DGKB: variants seen among roughly 807,000 people sequenced by gnomAD.
The protein encoded by DGKB is 90 kDa diacylglycerol kinase.
A neutral mutation model predicts 114.3 loss-of-function variants in DGKB; 67 were observed. The ratio of observed to expected loss-of-function variants is 0.59; its 90% confidence interval spans 0.48 to 0.72. The LOEUF is 0.72. Ranked by LOEUF, DGKB falls within the 30% of genes least tolerant of loss-of-function variation. DGKB has a pLI of 0.00. For synonymous variants in DGKB, 398 were observed against 323.1 expected, an observed-to-expected ratio of 1.23 and a Z score of -2.49; for missense variants, 907 against 975.2, an observed-to-expected ratio of 0.93 and a Z score of 0.93.
chr7:14,390,259 T>C (rs1040111665), intron 21 of DGKB, among the ~76,000 whole-genome samples: 1 of 152,194 alleles, frequency 6.6e-6, no homozygotes, highest in African/African-American at 2.4e-5. Context: ...TATCAGAACT[T>C]TCCTGATGTA....
At chr7:14,671,618 T>A (rs1468359432) in intron 13 of DGKB, among the ~76,000 whole-genome samples, 9 of 151,926 alleles carry the variant, frequency 5.9e-5, no homozygotes, top group Admixed American at 5.9e-4. Context: ...TAACTAGAGG[T>A]TGACATAAGT....
At chr7:14,157,653 A>T (rs900728455) in intron 25 of DGKB, among the ~76,000 whole-genome samples, 1 of 152,218 alleles carries the variant, frequency 6.6e-6, no homozygotes, top group African/African-American at 2.4e-5. Flanking sequence ...CTCTTTTAAC[A>T]TATAAATTGT....
At chr7:14,589,222 AGT>A in intron 17 of DGKB, among the ~76,000 whole-genome samples, 1 of 151,936 alleles carries the variant, frequency 6.6e-6, no homozygotes, top group Non-Finnish European at 1.5e-5. Context: ...AACATATTTG[AGT>A]GTTATACATT....
At chr7:14,564,198 G>A (rs1461329708) in intron 20 of DGKB, among the ~76,000 whole-genome samples, 4 of 152,150 alleles carry the variant, frequency 2.6e-5, no homozygotes, top group African/African-American at 9.7e-5. Context: ...TCTCCCCTAG[G>A]TGGCTGGTTT....
chr7:14,441,102 G>C (rs1343981842), intron 21 of DGKB, among the ~76,000 whole-genome samples: 1 of 151,940 alleles, frequency 6.6e-6, no homozygotes, highest in Non-Finnish European at 1.5e-5. Flanking sequence ...TCCACCTCCA[G>C]AGTTCAAGTG....
rs183127341 is a variant in DGKB at position 14,711,725 on chromosome 7, C to T, written c.466+6817G>A. On this transcript the variant is annotated intron_variant, in intron 6 of 25. Transcript: ENST00000402815. ...TTGGAAAATTAACAGATTATCTTCA[C>T]AGGATGATCTCTGGGGAGTATGTAA... Among the ~76,000 whole-genome samples the T allele has an allele frequency of 5.2e-3, 785 of 152,164 alleles. 5 individuals carry two copies. Among genetic ancestry groups the T allele is most frequent in the African/African-American group, 0.018 (728 of 41,514 alleles).
At chr7:14,552,699 A>G (rs1296755870) in intron 20 of DGKB, among the ~76,000 whole-genome samples, 1 of 152,226 alleles carries the variant, frequency 6.6e-6, no homozygotes, top group African/African-American at 2.4e-5. Flanking sequence ...CTACACTTTT[A>G]GCACATTAAG....
At chr7:14,436,652 C>T (rs1311180300) in intron 21 of DGKB, among the ~76,000 whole-genome samples, 2 of 151,982 alleles carry the variant, frequency 1.3e-5, no homozygotes, top group Non-Finnish European at 2.9e-5. Flanking sequence ...TATTTAAATG[C>T]TATTAGATGT....
At chr7:14,695,102 G>A (rs377307544) in intron 8 of DGKB, among the ~76,000 whole-genome samples, 2 of 152,176 alleles carry the variant, frequency 1.3e-5, no homozygotes, top group African/African-American at 4.8e-5. Context: ...TGCAATGCAT[G>A]AAATATTTGA....
chr7:14,809,396 G>A (rs1010395416), intron 2 of DGKB, among the ~76,000 whole-genome samples: 1 of 152,062 alleles, frequency 6.6e-6, no homozygotes, highest in Non-Finnish European at 1.5e-5. Context: ...ACATGAAGGA[G>A]GGAGGAAGTC....
At chr7:14,484,435 C>T (rs1783459989) in intron 20 of DGKB, among the ~76,000 whole-genome samples, 2 of 152,102 alleles carry the variant, frequency 1.3e-5, no homozygotes, top group Admixed American at 6.6e-5. Context: ...GCTTCAGCAC[C>T]GTCTCCTTGG....
At chr7:14,323,217 T>G (rs2128541097) in intron 23 of DGKB, among the ~76,000 whole-genome samples, 1 of 152,300 alleles carries the variant, frequency 6.6e-6, no homozygotes, top group South Asian at 2.1e-4. Flanking sequence ...CATATAATTC[T>G]ACTATAAAAT....
chr7:14,274,643 G>C (rs374754711), intron 23 of DGKB, among the ~76,000 whole-genome samples: 1 of 152,078 alleles, frequency 6.6e-6, no homozygotes, highest in Non-Finnish European at 1.5e-5. Flanking sequence ...TAGAAGGCTG[G>C]GAAGTCCAAG....
intron 1 of DGKB, among the ~76,000 whole-genome samples, chr7:14,850,741 T>C (rs1167471439): frequency 6.6e-6 from 1 of 152,188 alleles, no homozygotes; most frequent in Admixed American, 6.6e-5. Flanking sequence ...ACAGCAGAGT[T>C]AAAAGCCAAT....
intron 7 of DGKB, among the ~76,000 whole-genome samples, chr7:14,701,221 C>T (rs112852595): frequency 3.9e-5 from 6 of 151,966 alleles, no homozygotes; most frequent in Non-Finnish European, 8.8e-5. Context: ...CTATTTCAGC[C>T]GCATATAGGA....
At chr7:14,867,139 ATG>A (rs993100281) in intron 1 of DGKB, among the ~76,000 whole-genome samples, 5 of 152,086 alleles carry the variant, frequency 3.3e-5, no homozygotes, top group Non-Finnish European at 5.9e-5. Flanking sequence ...CCTTTATGAG[ATG>A]TGTGTTTTGC....
intron 2 of DGKB, among the ~76,000 whole-genome samples, chr7:14,795,314 G>A (rs747557954): frequency 1.3e-5 from 2 of 152,182 alleles, no homozygotes; most frequent in African/African-American, 2.4e-5. Flanking sequence ...ATTCTAACAG[G>A]TTGGTTGGTT....
chr7:14,757,012 C>A (rs1005047409), intron 3 of DGKB, among the ~76,000 whole-genome samples: 9 of 151,904 alleles, frequency 5.9e-5, no homozygotes, highest in African/African-American at 2.2e-4. Context: ...AAGCAATTGA[C>A]AAGACATGCA....
chr7:14,879,361 T>C lies in DGKB; in HGVS notation c.-188+23231A>G, dbSNP rs191579843. Among the ~76,000 whole-genome samples the C allele has an allele frequency of 2.7e-4, 40 of 149,694 alleles. 1 individual carries two copies. The highest frequency in any genetic ancestry group is 1.0e-3 in the African/African-American group (40 of 39,102). ...AAATGAATGCGGTCAGGATCAGTTG[T>C]ATCATTTGAACGACTGTTTCTATCA... On this transcript the variant is annotated intron_variant, in intron 1 of 25. Transcript: ENST00000402815.
Sources: gnomAD v4.1 joint callset for allele counts (sites outside exome capture counted in the v4.1 genomes callset) on GRCh38, gnomAD v4.1.1 for gene constraint, MANE v1.5 for transcripts, NCBI Gene and HGNC (gene_info 2026-07-23, HGNC 2026-07-21) for gene names.